Variants in PCYT1B observed in about 807,000 individuals in gnomAD.
PCYT1B encodes the protein phosphate cytidylyltransferase 1B, choline.
Under a neutral mutation model 26.4 loss-of-function variants are expected in PCYT1B, and 10 were observed. The ratio of observed to expected loss-of-function variants is 0.38; its 90% CI spans 0.23 to 0.64. The LOEUF (loss-of-function observed/expected upper bound fraction) is 0.64, where lower values mean the gene tolerates loss of function less well. PCYT1B is among the 30% of genes least tolerant of loss of function. The pLI, the probability that PCYT1B is intolerant of heterozygous loss-of-function variation, is 0.56. For missense variants in PCYT1B, 161 were observed against 292.7 expected, an observed-to-expected ratio of 0.55 and a Z score of 3.28; for synonymous variants, 131 against 108.4, an observed-to-expected ratio of 1.21 and a Z score of -1.29.
chrX:24,662,535 G>C (rs144647676), intron 1 of PCYT1B, among the ~76,000 whole-genome samples: 2 of 112,024 alleles, frequency 1.8e-5, no homozygotes, highest in African/African-American at 6.5e-5. Context: ...GCTCATCTGA[G>C]TGTTGGAGAA....
intron 1 of PCYT1B, among the ~76,000 whole-genome samples, chrX:24,635,173 C>T (rs772594773): frequency 3.6e-5 from 4 of 111,737 alleles, no homozygotes; most frequent in Non-Finnish European, 5.6e-5. Context: ...TTACATGTAA[C>T]GATAAATGTT....
chrX:24,618,003 C>G, intron 2 of PCYT1B, among the ~76,000 whole-genome samples: 1 of 111,869 alleles, frequency 8.9e-6, no homozygotes, highest in Non-Finnish European at 1.9e-5. Context: ...CTGCCATTCT[C>G]TAAGAATCAG....
intron 6 of PCYT1B, among the ~76,000 whole-genome samples, chrX:24,576,940 T>C (rs1400137102): frequency 8.9e-6 from 1 of 112,058 alleles, no homozygotes; most frequent in Non-Finnish European, 1.9e-5. Context: ...GATGAGTTCT[T>C]GGCAAATGTT....
chrX:24,632,671 C>G (rs1300200222), intron 1 of PCYT1B: 1 of 113,467 alleles, frequency 8.8e-6, no homozygotes, highest in Non-Finnish European at 1.9e-5. Flanking sequence ...AAGACAAATA[C>G]TGCATGTTCT....
intron 5 of PCYT1B, among the ~76,000 whole-genome samples, chrX:24,584,719 C>T (rs1239581039): frequency 8.9e-6 from 1 of 111,913 alleles, no homozygotes. Context: ...ATGTTGTTTT[C>T]ATTTCTAGGG....
At chrX:24,564,850 G>A (rs1163844639) in intron 7 of PCYT1B, among the ~76,000 whole-genome samples, 1 of 110,828 alleles carries the variant, frequency 9.0e-6, no homozygotes, top group Admixed American at 9.6e-5. Context: ...TACAGTATGT[G>A]GTCTGGCTAT....
chrX:24,668,236 T>C (rs1927166337), intron 1 of PCYT1B, among the ~76,000 whole-genome samples: 1 of 111,884 alleles, frequency 8.9e-6, no homozygotes, highest in African/African-American at 3.3e-5. Context: ...TGCCACCCTG[T>C]TCTCACTTCT....
intron 4 of PCYT1B, among the ~76,000 whole-genome samples, chrX:24,588,926 C>A (rs933703739): frequency 3.6e-5 from 4 of 111,100 alleles, no homozygotes; most frequent in Admixed American, 9.6e-5. Context: ...TAATTCTATT[C>A]TTAGTACTCA....
chrX:24,619,003 C>A lies in PCYT1B; in HGVS notation c.199G>T (p.Ala67Ser), dbSNP rs1925613086. ...GCCTCACCTGGTGTTCCTAAGCGGG[C>A]CTGAGCAATGGTCAGTTTTTCATGG... The part of the protein sequence containing the change: ...APHEKLTIAQ[A>S]RLGTPADRPV... Residue 67 changes from alanine (A) to serine (S), a missense_variant, in exon 2 of 8, where the codon GCC becomes TCC. Coordinates refer to ENST00000379144, the MANE Select transcript of PCYT1B (RefSeq NM_004845.5). 8.6e-7 allele frequency: 1 copy of A among 1,157,375 alleles called. No individual in the cohort carries two copies. The highest frequency in any genetic ancestry group is 1.2e-6 in the Non-Finnish European group (1 of 863,185).
chrX:24,625,603 T>A (rs988958135), intron 1 of PCYT1B, among the ~76,000 whole-genome samples: 30 of 108,264 alleles, frequency 2.8e-4, no homozygotes, highest in African/African-American at 1.0e-3. Flanking sequence ...AATGTACATG[T>A]TATAAGTAAC....
At chrX:24,634,468 C>T (rs1316958613) in intron 1 of PCYT1B, among the ~76,000 whole-genome samples, 1 of 112,089 alleles carries the variant, frequency 8.9e-6, no homozygotes, top group African/African-American at 3.2e-5. Flanking sequence ...TTCCTGCAGG[C>T]CGTGCGCGGT....
At chrX:24,628,468 CT>C (rs1344687684) in intron 1 of PCYT1B, among the ~76,000 whole-genome samples, 2 of 111,386 alleles carry the variant, frequency 1.8e-5, no homozygotes, top group Non-Finnish European at 3.8e-5. Context: ...TCTTTCATAG[CT>C]TTTTCTTATC....
At chrX:24,596,242 A>G (rs1924774130) in intron 3 of PCYT1B, among the ~76,000 whole-genome samples, 1 of 112,195 alleles carries the variant, frequency 8.9e-6, no homozygotes, top group African/African-American at 3.2e-5. Context: ...CAACAAGGTA[A>G]GCTTGCATAG....
At chrX:24,574,332 A>G (rs1457787495) in intron 7 of PCYT1B, among the ~76,000 whole-genome samples, 1 of 111,681 alleles carries the variant, frequency 9.0e-6, no homozygotes, top group Non-Finnish European at 1.9e-5. Flanking sequence ...TCTCCTGATA[A>G]TACTGGTATT....
chrX:24,629,571 A>AAAAC (rs1361126748), intron 1 of PCYT1B, among the ~76,000 whole-genome samples: 2 of 98,584 alleles, frequency 2.0e-5, no homozygotes, highest in Non-Finnish European at 4.1e-5. Context: ...AAAAAAAAAA[A>AAAAC]AAAAAAAAAA....
intron 3 of PCYT1B, among the ~76,000 whole-genome samples, chrX:24,595,174 T>C (rs1924737629): frequency 9.2e-6 from 1 of 109,051 alleles, no homozygotes. Context: ...GTAGGTGCTG[T>C]GAGCTCAAGT....
chrX:24,562,684 AG>A (rs1386015994), intron 7 of PCYT1B, among the ~76,000 whole-genome samples, 179 bp from the exon 8 acceptor site: 2 of 109,712 alleles, frequency 1.8e-5, no homozygotes, highest in African/African-American at 6.6e-5. Flanking sequence ...AGTGATATTC[AG>A]GGGTAGTGAC....
intron 7 of PCYT1B, among the ~76,000 whole-genome samples, chrX:24,569,734 C>T (rs1283410388): frequency 8.9e-6 from 1 of 111,949 alleles, no homozygotes; most frequent in Non-Finnish European, 1.9e-5. Flanking sequence ...AGAAGGCTGG[C>T]TGCCAGGGGC....
At chrX:24,661,677 A>G (rs906829705) in intron 1 of PCYT1B, among the ~76,000 whole-genome samples, 2 of 112,005 alleles carry the variant, frequency 1.8e-5, no homozygotes, top group African/African-American at 6.5e-5. Flanking sequence ...TTGTTTCTTC[A>G]ACCAAAAAAT....
Sources: allele counts gnomAD v4.1 joint callset (sites outside exome capture counted in the v4.1 genomes callset), GRCh38; gene constraint gnomAD v4.1.1; transcripts MANE v1.5; gene names NCBI Gene and HGNC (gene_info 2026-07-23, HGNC 2026-07-21).